The following LGR5 variants were observed in gnomAD, a reference collection of about 807,000 sequenced individuals.
LGR5 encodes leucine-rich repeat-containing G protein-coupled receptor 5.
Under a neutral mutation model 76.7 loss-of-function variants are expected in LGR5, and 54 were observed. The observed-to-expected ratio is 0.70, with a 90% CI of 0.57 to 0.88. The LOEUF (loss-of-function observed/expected upper bound fraction) is 0.88. Among genes scored for constraint, LGR5 ranks in the 40% least tolerant of loss-of-function variants. The probability of loss-of-function intolerance (pLI) is 0.00; values close to 1 mark genes in which losing one functional copy is unlikely to be tolerated. For synonymous variants in LGR5, 406 were observed against 421.9 expected, an observed-to-expected ratio of 0.96 and a Z score of 0.46; for missense variants, 1,078 against 1,073.3, an observed-to-expected ratio of 1.00 and a Z score of -0.06.
At position 71,583,994 on chromosome 12, in the gene LGR5, C is replaced by A; in HGVS notation, c.1984C>A (p.Arg662Ser). 6.2e-7 allele frequency: 1 copy of A among 1,614,174 alleles called. No individual in the cohort carries two copies. The highest frequency in any genetic ancestry group is 8.5e-7 in the Non-Finnish European group (1 of 1,180,048). Residue 662 changes from arginine (R) to serine (S), a missense_variant, in exon 18 of 18, where the codon CGT (arginine) becomes AGT (serine). Coordinates refer to ENST00000266674, the MANE Select transcript of LGR5 (RefSeq NM_003667.4). The stretch of plus-strand genomic sequence containing the variant: ...CCTGCTTACTCTGGCAGCCCTGGAG[C>A]GTGGGTTCTCTGTGAAATATTCTGC... ...VFLLTLAALE[R>S]GFSVKYSAKF... is the part of the protein sequence containing the mutation.
chr12:71,547,773 T>C (rs927930912), intron 4 of LGR5, among the ~76,000 whole-genome samples: 3 of 152,066 alleles, frequency 2.0e-5, no homozygotes, highest in Non-Finnish European at 4.4e-5. Flanking sequence ...CCCAGCTAAT[T>C]TTTTTGTATT....
intron 6 of LGR5, among the ~76,000 whole-genome samples, chr12:71,557,725 A>T (rs1202551899): frequency 1.3e-5 from 2 of 152,108 alleles, no homozygotes; most frequent in Admixed American, 1.3e-4. Flanking sequence ...AGGTGTGATG[A>T]GACTGAGGTG....
intron 1 of LGR5, among the ~76,000 whole-genome samples, chr12:71,503,892 A>G (rs1395221110): frequency 6.6e-6 from 1 of 151,448 alleles, no homozygotes; most frequent in Non-Finnish European, 1.5e-5. Context: ...ATAGGGGGGA[A>G]AAAAACAGAA....
intron 11 of LGR5, chr12:71,567,424 CT>C (rs1279315603): frequency 6.5e-6 from 1 of 154,938 alleles, no homozygotes; most frequent in African/African-American, 2.4e-5. Context: ...CTTTTTTCCT[CT>C]GCCTTTCCCA....
In LGR5 at chr12:71,524,458, C is replaced by A. The variant is rs905396127; in HGVS notation, c.337C>A (p.Leu113Ile). The A allele has an allele frequency of 6.2e-7, 1 of 1,611,986 alleles. No individual in the cohort carries two copies. The highest frequency in any genetic ancestry group is 8.5e-7 in the Non-Finnish European group (1 of 1,178,336). The part of the protein sequence containing the change: ...TYIPKGAFTG[L>I]YSLKVLMLQN... ...CATTCCCAAGGGAGCATTCACTGGC[C>A]TTTACAGTCTTAAAGTTCTGTAAGT... The change falls in exon 3 of 18, where the codon CTT becomes ATT. Residue 113 changes from leucine to isoleucine, a missense_variant. By Grantham distance (5) the Leu-to-Ile change is conservative (BLOSUM62 2). Transcript: ENST00000266674.
Position 71,572,924 on chromosome 12 carries a change from G to C in LGR5, c.1208+3G>C. ...CAGTTGCTTAGCCTCCGATCGCTGT[G>C]AGTATCACCTCCCAGTGCGTTCCCC... On this transcript the variant is annotated splice_donor_region_variant and intron_variant, in intron 13 of 17. Transcript: ENST00000266674. The C allele has an allele frequency of 6.2e-7, 1 of 1,610,222 alleles. No individual in the cohort carries two copies. The highest frequency in any genetic ancestry group is 8.5e-7 in the Non-Finnish European group (1 of 1,176,504).
intron 1 of LGR5, among the ~76,000 whole-genome samples, chr12:71,480,305 G>A (rs1344230153): frequency 2.0e-5 from 3 of 149,348 alleles, no homozygotes; most frequent in Non-Finnish European, 4.4e-5. Context: ...AGATTGCAGT[G>A]AGCCAAGATC....
In LGR5 at chr12:71,578,897, C is replaced by G. The variant is rs375595231; in HGVS notation, c.1374C>G (p.Ser458Arg). The change falls in exon 15 of 18, where the codon AGC (serine) becomes AGG (arginine). Residue 458 changes from serine to arginine, a missense_variant. Coordinates refer to ENST00000266674, the MANE Select transcript of LGR5 (RefSeq NM_003667.4). ...LKLTGNHALQ[S>R]LISSENFPEL... is the part of the protein sequence containing the mutation. ...TAACAGGAAATCATGCCTTACAGAG[C>G]TTGATATCATCTGAAAACTTTCCAG... 2 of 1,610,124 alleles carry G rather than the reference C, an allele frequency of 1.2e-6. No homozygotes were observed. The highest frequency in any genetic ancestry group is 1.7e-6 in the Non-Finnish European group (2 of 1,178,200).
Position 71,527,296 on chromosome 12 carries a change from G to T in LGR5, c.356+2819G>T, listed in dbSNP as rs370114208. 7.9e-5 allele frequency among the ~76,000 whole-genome samples: 12 copies of T among 152,282 alleles called. No individual in the cohort carries two copies. In the East Asian group the frequency reaches 1.7e-3, roughly 22 times the overall value. On this transcript the variant is annotated intron_variant, in intron 3 of 17. Coordinates refer to ENST00000266674, the MANE Select transcript of LGR5 (RefSeq NM_003667.4). Reference sequence around the variant, plus strand: ...TTGGTTTTTGTCTTAGGTTGTTTGTGCTATGATAACGGAATACCGCAAACT... The same window carrying T: ...TTGGTTTTTGTCTTAGGTTGTTTGTTCTATGATAACGGAATACCGCAAACT...
In LGR5 at chr12:71,584,703, T is replaced by A; in HGVS notation, c.2693T>A (p.Leu898His). The change falls in exon 18 of 18, where the codon CTT becomes CAT. Residue 898 changes from leucine to histidine, a missense_variant. Coordinates refer to ENST00000266674, the MANE Select transcript of LGR5 (RefSeq NM_003667.4). ...PAYPVTESCH[L>H]SSVAFVPCL ...TATCCAGTGACTGAGAGCTGCCATC[T>A]TTCCTCTGTGGCATTTGTCCCATGT... The A allele has an allele frequency of 6.2e-7, 1 of 1,612,858 alleles. No individual in the cohort carries two copies. Among genetic ancestry groups the A allele is most frequent in the Non-Finnish European group, 8.5e-7 (1 of 1,178,926 alleles).
In LGR5 at chr12:71,566,631, G is replaced by T; in HGVS notation, c.930-1G>T. 1 of 1,611,418 alleles carries T rather than the reference G, an allele frequency of 6.2e-7. No homozygotes were observed. The highest frequency in any genetic ancestry group is 8.5e-7 in the Non-Finnish European group (1 of 1,177,798). On this transcript the variant is annotated splice_acceptor_variant, in intron 9 of 17. Transcript: ENST00000266674. LOFTEE classifies it high-confidence loss of function. ...TAATACTTATATACTCCTCTTTCTA[G>T]GACTCTGAATGGTGCCTCACAAATA...
chr12:71,449,537 C>T (rs1872165039), intron 1 of LGR5, among the ~76,000 whole-genome samples: 1 of 152,156 alleles, frequency 6.6e-6, no homozygotes, highest in Non-Finnish European at 1.5e-5. Context: ...TAACTGACAG[C>T]AAGTGTCCAC....
intron 1 of LGR5, among the ~76,000 whole-genome samples, chr12:71,449,826 G>A (rs185352891): frequency 3.3e-4 from 50 of 152,234 alleles, no homozygotes; most frequent in Admixed American, 1.1e-3. Flanking sequence ...AGAACTAAAA[G>A]GACAATCTTT....
chr12:71,571,420 G>A, intron 11 of LGR5, 94 bp from the exon 12 acceptor site: 1 of 864,134 alleles, frequency 1.2e-6, no homozygotes, highest in Non-Finnish European at 1.8e-6. Flanking sequence ...GCCTTTGGGA[G>A]ATATAACATC....
At chr12:71,543,484 A>T (rs762335760) in intron 4 of LGR5, among the ~76,000 whole-genome samples, 64 of 152,222 alleles carry the variant, frequency 4.2e-4, no homozygotes, top group Non-Finnish European at 6.9e-4. Flanking sequence ...GCCCAGAAGT[A>T]CTGTGGGAAA....
intron 7 of LGR5, among the ~76,000 whole-genome samples, chr12:71,561,041 AAT>A (rs1878031101): frequency 6.6e-6 from 1 of 152,332 alleles, no homozygotes; most frequent in East Asian, 1.9e-4. Flanking sequence ...TGGAAAGGAA[AAT>A]AAACACTGAA....
Position 71,504,465 on chromosome 12 carries a change from A to T in LGR5, c.213-149A>T. ...TGGGGAATGTTGGAGAAAAGGAATT[A>T]ATATTTAAGATGTAGAATAGCAATT... On this transcript the variant is annotated intron_variant, in intron 1 of 17. Transcript: ENST00000266674. The T allele has an allele frequency of 4.1e-6, 3 of 730,304 alleles. No individual in the cohort carries two copies. The South Asian group carries it at 4.5e-5, about 11-fold the overall frequency. The allele number at this position is 730,304 out of a possible 1,614,324, so 45.2% of individuals were successfully genotyped here. A position where few individuals can be genotyped will look rare whatever the true frequency, so the allele number is the denominator to read the frequency against.
At chr12:71,488,467 C>A (rs1021412854) in intron 1 of LGR5, among the ~76,000 whole-genome samples, 4 of 152,248 alleles carry the variant, frequency 2.6e-5, no homozygotes, top group Admixed American at 6.5e-5. Flanking sequence ...GGCTCAAGGG[C>A]AGTTTTTCTC....
intron 2 of LGR5, among the ~76,000 whole-genome samples, chr12:71,514,589 A>G (rs1483654314): frequency 2.0e-5 from 3 of 151,604 alleles, no homozygotes; most frequent in Non-Finnish European, 4.4e-5. Context: ...AAGAAAGAAA[A>G]AAAGAAACCA....
Sources: allele counts gnomAD v4.1 joint callset (sites outside exome capture counted in the v4.1 genomes callset), GRCh38; gene constraint gnomAD v4.1.1; transcripts MANE v1.5; gene names NCBI Gene and HGNC (gene_info 2026-07-23, HGNC 2026-07-21).